The following SIAH2 variants were observed in gnomAD, a reference collection of about 807,000 sequenced individuals.
SIAH2 encodes E3 ubiquitin-protein ligase SIAH2.
In SIAH2, 4 loss-of-function variants were observed where a neutral mutation model predicts 20.4. That is an observed-to-expected ratio of 0.20 (90% CI 0.10 to 0.45). The LOEUF (loss-of-function observed/expected upper bound fraction) is 0.45, where lower values mean the gene tolerates loss of function less well. Among genes scored for constraint, SIAH2 ranks in the 20% least tolerant of loss-of-function variants. The pLI is 0.99. For synonymous variants in SIAH2, 171 were observed against 192.5 expected, an observed-to-expected ratio of 0.89 and a Z score of 0.93; for missense variants, 259 against 440.3, an observed-to-expected ratio of 0.59 and a Z score of 3.69.
At chr3:150,750,175 A>G (rs1714326704) in intron 1 of SIAH2, among the ~76,000 whole-genome samples, 1 of 152,220 alleles carries the variant, frequency 6.6e-6, no homozygotes, top group Non-Finnish European at 1.5e-5. Flanking sequence ...CAAACTTTTA[A>G]AAGGACTTCT....
intron 1 of SIAH2, among the ~76,000 whole-genome samples, chr3:150,756,454 G>C (rs1279278752): frequency 1.3e-5 from 2 of 152,212 alleles, no homozygotes; most frequent in Non-Finnish European, 2.9e-5. Flanking sequence ...TTACAGTGAA[G>C]CCTCACTATA....
chr3:150,757,298 C>A (rs1246728810), intron 1 of SIAH2, among the ~76,000 whole-genome samples: 1 of 152,124 alleles, frequency 6.6e-6, no homozygotes, highest in African/African-American at 2.4e-5. Context: ...TTGGGATAAT[C>A]ATTTAGTCCA....
intron 1 of SIAH2, among the ~76,000 whole-genome samples, chr3:150,755,003 G>C (rs993822298): frequency 1.3e-4 from 20 of 151,988 alleles, no homozygotes; most frequent in Non-Finnish European, 1.8e-4. Context: ...CTCAGACATC[G>C]GCCATTTAGT....
At chr3:150,745,165 A>G (rs1422854895) in intron 1 of SIAH2, among the ~76,000 whole-genome samples, 1 of 151,526 alleles carries the variant, frequency 6.6e-6, no homozygotes, top group African/African-American at 2.4e-5. Flanking sequence ...TTCTCTTTCC[A>G]TCATGGGTAA....
chr3:150,762,113 GC>G lies in SIAH2; in HGVS notation c.417+319del. ...GTTTCTCGGTCCAAGTTTTACTGGT[GC>G]GGCCCAGCCCTACCGAGAGTACCCG... On this transcript the variant is annotated intron_variant, in intron 1 of 1. Coordinates refer to ENST00000312960, the MANE Select transcript of SIAH2 (RefSeq NM_005067.7). The surrounding 1 kb of genome is among the most constrained non-coding windows in gnomAD (Gnocchi z 6.6). 1 of 325,106 alleles carries G rather than the reference GC, an allele frequency of 3.1e-6. No homozygotes were observed. Among genetic ancestry groups the G allele is most frequent in the Non-Finnish European group, 5.7e-6 (1 of 175,166 alleles). 20.1% of individuals were successfully genotyped at this position (325,106 alleles called of 1,614,324 possible).
chr3:150,753,998 C>T (rs1341842980), intron 1 of SIAH2, among the ~76,000 whole-genome samples: 1 of 152,118 alleles, frequency 6.6e-6, no homozygotes, highest in African/African-American at 2.4e-5. Flanking sequence ...AACTCTGGTA[C>T]TGTTATAGAA....
chr3:150,745,213 A>G (rs1318642839), intron 1 of SIAH2, among the ~76,000 whole-genome samples: 1 of 150,308 alleles, frequency 6.7e-6, no homozygotes, highest in Non-Finnish European at 1.5e-5. Context: ...CACTTTTATG[A>G]TGACTAAAGT....
chr3:150,759,655 C>A (rs560679993), intron 1 of SIAH2, among the ~76,000 whole-genome samples: 49 of 151,508 alleles, frequency 3.2e-4, no homozygotes, highest in Admixed American at 3.1e-3. Flanking sequence ...CAAGTCACTT[C>A]ACATTTAACC....
At chr3:150,743,887 T>C (rs2108116411) in intron 1 of SIAH2, among the ~76,000 whole-genome samples, 1 of 152,144 alleles carries the variant, frequency 6.6e-6, no homozygotes, top group Non-Finnish European at 1.5e-5. Context: ...CTTAGACCCC[T>C]GGAGCACAGA....
intron 1 of SIAH2, among the ~76,000 whole-genome samples, chr3:150,753,515 G>C (rs1255111103): frequency 2.0e-5 from 3 of 152,234 alleles, no homozygotes; most frequent in Non-Finnish European, 4.4e-5. Context: ...CAATTTCTCA[G>C]GCCGGGTGTG....
At chr3:150,753,379 A>G (rs1714411988) in intron 1 of SIAH2, among the ~76,000 whole-genome samples, 1 of 152,234 alleles carries the variant, frequency 6.6e-6, no homozygotes, top group Non-Finnish European at 1.5e-5. Context: ...AGGGAGAAAA[A>G]GCAGGCTGTG....
At chr3:150,757,946 G>A (rs1027178775) in intron 1 of SIAH2, among the ~76,000 whole-genome samples, 7 of 152,110 alleles carry the variant, frequency 4.6e-5, no homozygotes, top group Non-Finnish European at 7.4e-5. Flanking sequence ...CTTGGGAGGT[G>A]GCACCTGTTC....
intron 1 of SIAH2, among the ~76,000 whole-genome samples, chr3:150,754,553 C>A (rs1714441970): frequency 6.6e-6 from 1 of 152,100 alleles, no homozygotes; most frequent in South Asian, 2.1e-4. Context: ...AACCATATCA[C>A]CATCTCACTT....
chr3:150,753,044 A>G (rs1356495820), intron 1 of SIAH2, among the ~76,000 whole-genome samples: 2 of 152,180 alleles, frequency 1.3e-5, no homozygotes, highest in African/African-American at 4.8e-5. Context: ...CAGCCTCCTT[A>G]TGAGCTTCCA....
At position 150,742,118 on chromosome 3, in the gene SIAH2, T is replaced by C. The variant is rs1340475260; in HGVS notation, c.*23A>G. 1.3e-6 allele frequency: 2 copies of C among 1,585,444 alleles called. No individual in the cohort carries two copies. The highest frequency in any genetic ancestry group is 3.5e-5 in the Admixed American group (2 of 57,208). ...ACATAGAGCACTATGCCCAAATAAT[T>C]TTGAAGGTTTACGAAAGTCACATCA... On this transcript the variant is annotated 3_prime_UTR_variant, in exon 2 of 2. Transcript: ENST00000312960. The surrounding 1 kb of genome is among the most constrained non-coding windows in gnomAD (Gnocchi z 4.8).
rs1714123982 is a variant in SIAH2 at position 150,742,828 on chromosome 3, A to G, written c.418-130T>C. ...GTTCTTAACTACTTTTGCTCAAAGC[A>G]AGTGAAATATTCAAGACTAAAAGTC... On this transcript the variant is annotated intron_variant, in intron 1 of 1. Coordinates refer to ENST00000312960, the MANE Select transcript of SIAH2 (RefSeq NM_005067.7). This position sits in a 1 kb window ranked among gnomAD's most constrained non-coding sequence, Gnocchi z 4.8. 4.5e-6 allele frequency: 3 copies of G among 662,738 alleles called. No individual in the cohort carries two copies. In the Admixed American group the frequency reaches 1.1e-4, roughly 24 times the overall value. 41.1% of individuals were successfully genotyped at this position (662,738 alleles called of 1,614,324 possible).
rs73006990 is a variant in SIAH2, at chr3:150,741,784, A to C, written c.*357T>G. On this transcript the variant is annotated 3_prime_UTR_variant, in exon 2 of 2. Coordinates refer to ENST00000312960, the MANE Select transcript of SIAH2 (RefSeq NM_005067.7). The stretch of plus-strand genomic sequence containing the variant: ...TGCTGACAGTCACTGTGCTTTTGTC[A>C]ATGTCAAGGGACCAATATGGGAAGG... 1,300 of 185,580 alleles carry C rather than the reference A, an allele frequency of 7.0e-3. 28 individuals carry two copies. Among genetic ancestry groups the C allele is most frequent in the African/African-American group, 0.029 (1,217 of 42,602 alleles). 11.5% of individuals were successfully genotyped at this position (185,580 alleles called of 1,614,324 possible). A position where few individuals can be genotyped will look rare whatever the true frequency, so the allele number is the denominator to read the frequency against.
At chr3:150,749,423 T>A (rs1714308307) in intron 1 of SIAH2, among the ~76,000 whole-genome samples, 1 of 152,142 alleles carries the variant, frequency 6.6e-6, no homozygotes, top group East Asian at 1.9e-4. Flanking sequence ...GAGGATTGCT[T>A]GAGCCTGGGA....
Position 150,741,238 on chromosome 3 carries a change from T to A in SIAH2, c.*903A>T, listed in dbSNP as rs971012400. On this transcript the variant is annotated 3_prime_UTR_variant, in exon 2 of 2. Transcript: ENST00000312960. ...ACACCGGTTATAAAGCTTTTCCAAC[T>A]CTACTGATTTAGTCTTTCACACCAG... The A allele has an allele frequency of 1.0e-4, 16 of 152,638 alleles. No individual in the cohort carries two copies. Among genetic ancestry groups the A allele is most frequent in the Non-Finnish European group, 2.1e-4 (14 of 68,028 alleles). The allele number at this position is 152,638 out of a possible 1,614,324, so 9.5% of individuals were successfully genotyped here. A position where few individuals can be genotyped will look rare whatever the true frequency, so the allele number is the denominator to read the frequency against.
Sources: allele counts gnomAD v4.1 joint callset (sites outside exome capture counted in the v4.1 genomes callset), GRCh38; gene constraint gnomAD v4.1.1; non-coding constraint Gnocchi (gnomAD v3.1); transcripts MANE v1.5; gene names NCBI Gene and HGNC (gene_info 2026-07-23, HGNC 2026-07-21).